The following TRIM44 variants were observed in gnomAD, a reference collection of about 807,000 sequenced individuals.
TRIM44 encodes tripartite motif-containing protein 44.
Under a neutral mutation model 37.4 loss-of-function variants are expected in TRIM44, and 13 were observed. That is an observed-to-expected ratio of 0.35 (90% CI 0.23 to 0.55). The LOEUF is 0.55. Among genes scored for constraint, TRIM44 ranks in the 20% least tolerant of loss-of-function variants. The pLI, the probability that TRIM44 is intolerant of heterozygous loss-of-function variation, is 0.89. For missense variants in TRIM44, 426 were observed against 437.2 expected (o/e 0.97, Z 0.23); for synonymous variants, 175 against 157.2 (o/e 1.11, Z -0.85).
chr11:35,762,031 C>T (rs1415269837), intron 4 of TRIM44, among the ~76,000 whole-genome samples: 1 of 152,132 alleles, frequency 6.6e-6, no homozygotes, highest in Non-Finnish European at 1.5e-5. Flanking sequence ...TAAGAGGGTG[C>T]TTTCATGGCA....
chr11:35,719,940 T>C (rs939740223), intron 2 of TRIM44, among the ~76,000 whole-genome samples: 1 of 152,224 alleles, frequency 6.6e-6, no homozygotes, highest in Non-Finnish European at 1.5e-5. Flanking sequence ...TCTTGATTAT[T>C]ACAGCTTTAT....
At chr11:35,708,635 A>G (rs1851921450) in intron 2 of TRIM44, among the ~76,000 whole-genome samples, 2 of 151,702 alleles carry the variant, frequency 1.3e-5, no homozygotes, top group Admixed American at 6.5e-5. Context: ...ATTGGAAATC[A>G]TCATTCTCAG....
intron 4 of TRIM44, among the ~76,000 whole-genome samples, chr11:35,759,101 A>G (rs1200814898): frequency 6.6e-6 from 1 of 152,178 alleles, no homozygotes; most frequent in Non-Finnish European, 1.5e-5. Flanking sequence ...GTGTTTTCCA[A>G]CTTGGTTCCA....
chr11:35,755,717 A>G (rs1276159813), intron 4 of TRIM44, among the ~76,000 whole-genome samples: 2 of 152,094 alleles, frequency 1.3e-5, no homozygotes, highest in Non-Finnish European at 2.9e-5. Flanking sequence ...TCAGCTTTCT[A>G]CATATGGCTA....
intron 2 of TRIM44, among the ~76,000 whole-genome samples, chr11:35,697,908 A>G (rs1230168747): frequency 6.6e-6 from 1 of 151,860 alleles, no homozygotes; most frequent in East Asian, 1.9e-4. Flanking sequence ...GTGCCGCAAT[A>G]AACATACGTG....
chr11:35,681,348 G>A (rs756687802), intron 1 of TRIM44, among the ~76,000 whole-genome samples: 1 of 152,168 alleles, frequency 6.6e-6, no homozygotes, highest in Non-Finnish European at 1.5e-5. Context: ...ACAGCATTTT[G>A]TCCTTTGGTT....
chr11:35,727,684 G>A (rs994137866), intron 3 of TRIM44, among the ~76,000 whole-genome samples: 1 of 152,072 alleles, frequency 6.6e-6, no homozygotes, highest in Non-Finnish European at 1.5e-5. Context: ...TGGGATATTT[G>A]AGATACAGAG....
intron 2 of TRIM44, among the ~76,000 whole-genome samples, chr11:35,715,968 C>G (rs1017965811): frequency 1.3e-5 from 2 of 152,152 alleles, no homozygotes; most frequent in Admixed American, 1.3e-4. Context: ...CCCTTATGAT[C>G]CAGTCATCTC....
intron 2 of TRIM44, among the ~76,000 whole-genome samples, chr11:35,703,073 C>T (rs1039071407): frequency 4.6e-5 from 7 of 152,280 alleles, no homozygotes; most frequent in East Asian, 1.9e-4. Context: ...GCTTTTCCGA[C>T]GGGCTTAAAA....
At chr11:35,703,543 G>A (rs566878673) in intron 2 of TRIM44, among the ~76,000 whole-genome samples, 2 of 152,252 alleles carry the variant, frequency 1.3e-5, no homozygotes, top group Non-Finnish European at 2.9e-5. Flanking sequence ...TCACACGGCC[G>A]GGTACTCCCC....
intron 1 of TRIM44, among the ~76,000 whole-genome samples, chr11:35,677,612 T>G (rs1322891823): frequency 6.6e-6 from 1 of 152,186 alleles, no homozygotes; most frequent in African/African-American, 2.4e-5. Flanking sequence ...TGAGGTATAG[T>G]ATTTCTTAAG....
At chr11:35,747,306 A>C (rs548081753) in intron 4 of TRIM44, among the ~76,000 whole-genome samples, 1 of 152,344 alleles carries the variant, frequency 6.6e-6, no homozygotes, top group Non-Finnish European at 1.5e-5. Flanking sequence ...TCAAAGTTTT[A>C]AAACAACTCT....
At chr11:35,674,110 A>G (rs1182821240) in intron 1 of TRIM44, among the ~76,000 whole-genome samples, 1 of 152,082 alleles carries the variant, frequency 6.6e-6, no homozygotes, top group Non-Finnish European at 1.5e-5. Context: ...ATTATAGACA[A>G]TGGATGAAAC....
At position 35,817,839 on chromosome 11, in the gene TRIM44, C is replaced by T. The variant is rs1407970081; in HGVS notation, c.*11454C>T. 6.6e-6 allele frequency: 1 copy of T among 151,980 alleles called. No homozygotes were observed. Among genetic ancestry groups the T allele is most frequent in the Non-Finnish European group, 1.5e-5 (1 of 68,012 alleles). The allele number at this position is 151,980 out of a possible 1,614,324, so 9.4% of individuals were successfully genotyped here. ...CTGGTTGTTTAAAAATATGTGACAC[C>T]TCCCCCCACCTTCCTTCTGCTCTGG... On this transcript the variant is annotated 3_prime_UTR_variant, in exon 5 of 5. Transcript: ENST00000299413.
In TRIM44 at chr11:35,665,081, C is replaced by T. The variant is rs150263065; in HGVS notation, c.669+1301C>T. Reference sequence around the variant, plus strand: ...AGTTTATTCACTTTCATTACTATTTCGAATTCCATTTTATGAATATGCCAC... The same window carrying T: ...AGTTTATTCACTTTCATTACTATTTTGAATTCCATTTTATGAATATGCCAC... On this transcript the variant is annotated intron_variant, in intron 1 of 4. Coordinates refer to ENST00000299413, the MANE Select transcript of TRIM44 (RefSeq NM_017583.6). 1.9e-3 allele frequency among the ~76,000 whole-genome samples: 287 copies of T among 152,248 alleles called. 2 individuals carry two copies. The highest frequency in any genetic ancestry group is 6.6e-3 in the African/African-American group (275 of 41,550).
rs1176350066 is a variant in TRIM44 at position 35,816,245 on chromosome 11, T to C, written c.*9860T>C. On this transcript the variant is annotated 3_prime_UTR_variant, in exon 5 of 5. Coordinates refer to ENST00000299413, the MANE Select transcript of TRIM44 (RefSeq NM_017583.6). ...GGGTCATTCTTCAAGAGTAAGAAATTGAATTTGTGAGAAAAAAAAACAGCT... is the reference window on the plus strand; with the variant it reads ...GGGTCATTCTTCAAGAGTAAGAAATCGAATTTGTGAGAAAAAAAAACAGCT... 2 of 151,722 alleles carry C rather than the reference T, an allele frequency of 1.3e-5. No homozygotes were observed. The highest frequency in any genetic ancestry group is 2.9e-5 in the Non-Finnish European group (2 of 67,994). The allele number at this position is 151,722 out of a possible 1,614,324, so 9.4% of individuals were successfully genotyped here. A position where few individuals can be genotyped will look rare whatever the true frequency, so the allele number is the denominator to read the frequency against.
intron 3 of TRIM44, among the ~76,000 whole-genome samples, chr11:35,726,623 A>G (rs972395740): frequency 6.6e-6 from 1 of 152,024 alleles, no homozygotes; most frequent in East Asian, 1.9e-4. Flanking sequence ...AGCCAGCTGC[A>G]TAAATTGGAG....
In TRIM44 at chr11:35,718,401, T is replaced by C. The variant is rs770161159; in HGVS notation, c.748-7523T>C. On this transcript the variant is annotated intron_variant, in intron 2 of 4. Transcript: ENST00000299413. ...TGCCAGTGAAATGGCACCAACATAA[T>C]ATTAACATTTTAAAAATAGATATTT... Among the ~76,000 whole-genome samples the C allele has an allele frequency of 9.2e-5, 14 of 152,210 alleles. 1 individual carries two copies. The highest frequency in any genetic ancestry group is 1.5e-5 in the Non-Finnish European group (1 of 68,038).
chr11:35,795,538 A>T (rs981675973), intron 4 of TRIM44, among the ~76,000 whole-genome samples: 3 of 152,112 alleles, frequency 2.0e-5, no homozygotes, highest in Admixed American at 2.0e-4. Flanking sequence ...CATGCTTGGC[A>T]CATAGAATGC....
Sources: allele counts gnomAD v4.1 joint callset (sites outside exome capture counted in the v4.1 genomes callset), GRCh38; gene constraint gnomAD v4.1.1; transcripts MANE v1.5; gene names NCBI Gene and HGNC (gene_info 2026-07-23, HGNC 2026-07-21).